Variants in MCU observed in about 807,000 individuals in gnomAD.
The protein encoded by MCU is calcium uniporter protein, mitochondrial.
Under a neutral mutation model 45.2 loss-of-function variants are expected in MCU, and 12 were observed. The observed-to-expected ratio is 0.27, with a 90% confidence interval of 0.17 to 0.43. MCU has a LOEUF of 0.43. Among genes scored for constraint, MCU ranks in the 20% least tolerant of loss-of-function variants. MCU has a pLI of 1.00. For missense variants in MCU, 324 were observed against 436.7 expected, an observed-to-expected ratio of 0.74 and a Z score of 2.30; for synonymous variants, 160 against 165.1, an observed-to-expected ratio of 0.97 and a Z score of 0.24.
intron 1 of MCU, among the ~76,000 whole-genome samples, chr10:72,714,789 C>A (rs966285532): frequency 3.4e-4 from 51 of 151,328 alleles, no homozygotes; most frequent in Admixed American, 2.6e-4. Flanking sequence ...GGTGATCTGC[C>A]CCCCCCTTGG....
chr10:72,697,368 C>T (rs1163674369), intron 1 of MCU, among the ~76,000 whole-genome samples: 5 of 150,908 alleles, frequency 3.3e-5, no homozygotes, highest in Admixed American at 1.3e-4. Context: ...CCACCTGCCT[C>T]GGCCTCCCAA....
chr10:72,714,343 G>GTTTTTTTTTTTT (rs1479850646), intron 1 of MCU, among the ~76,000 whole-genome samples: 2 of 49,482 alleles, frequency 4.0e-5, no homozygotes, highest in African/African-American at 1.5e-4. Flanking sequence ...CCCCGCCCTG[G>GTTTTTTTTTTTT]TCTTTTTTTT....
rs373225323 is a variant in MCU at position 72,707,606 on chromosome 10, G to GGTGTGTGTGTGTGTGT, written c.150+15332_150+15347dup. On this transcript the variant is annotated intron_variant, in intron 1 of 7. Transcript: ENST00000373053. ...AAATGAAGAGGTGGTCGTGGTGAGTGGTGTGTGTGTGTGTGTGTGTGTGTG... is the reference window on the plus strand; with the variant it reads ...AAATGAAGAGGTGGTCGTGGTGAGTGGTGTGTGTGTGTGTGTGTGTGTGTGTGTGTGTGTGTGTGTG... Among the ~76,000 whole-genome samples, 8 of 135,026 alleles carry GGTGTGTGTGTGTGTGT rather than the reference G, an allele frequency of 5.9e-5. No homozygotes were observed. The South Asian group carries it at 6.9e-4, about 12-fold the overall frequency. 88.6% of individuals were successfully genotyped at this position (135,026 alleles called of 152,430 possible).
In MCU at chr10:72,793,556, A is replaced by T. The variant is rs7095769; in HGVS notation, c.151-40803A>T. Among the ~76,000 whole-genome samples, 371 of 152,146 alleles carry T rather than the reference A, an allele frequency of 2.4e-3. 1 individual carries two copies. Among genetic ancestry groups the T allele is most frequent in the African/African-American group, 8.5e-3 (351 of 41,498 alleles). ...ACCATCATTTTATTATTATCTCTTA[A>T]TAGTGTTGGGGGTTGACTGGGCCCA... On this transcript the variant is annotated intron_variant, in intron 1 of 7. Coordinates refer to ENST00000373053, the MANE Select transcript of MCU (RefSeq NM_138357.3).
At chr10:72,753,695 C>G (rs549509725) in intron 1 of MCU, among the ~76,000 whole-genome samples, 5 of 151,946 alleles carry the variant, frequency 3.3e-5, no homozygotes, top group Non-Finnish European at 7.4e-5. Context: ...GGCAACATGG[C>G]AAAATCCTGT....
chr10:72,770,696 A>G (rs1319039137), intron 1 of MCU, among the ~76,000 whole-genome samples: 1 of 151,830 alleles, frequency 6.6e-6, no homozygotes, highest in African/African-American at 2.4e-5. Flanking sequence ...ACCTTTTGGT[A>G]TTGTTTCCTT....
intron 1 of MCU, among the ~76,000 whole-genome samples, chr10:72,811,812 T>C (rs561253452): frequency 6.6e-6 from 1 of 152,332 alleles, no homozygotes; most frequent in African/African-American, 2.4e-5. Context: ...ATAACATGTT[T>C]TGAAAAGAAT....
chr10:72,721,715 G>C (rs986335374), intron 1 of MCU, among the ~76,000 whole-genome samples: 15 of 151,900 alleles, frequency 9.9e-5, no homozygotes, highest in African/African-American at 3.6e-4. Context: ...TATTTTATTG[G>C]TTGTTCTGAG....
In MCU at chr10:72,730,307, CTTTTTTT is replaced by C. The variant is rs1221272053; in HGVS notation, c.150+38019_150+38025del. Among the ~76,000 whole-genome samples the C allele has an allele frequency of 6.1e-3, 761 of 124,242 alleles. 5 individuals carry two copies. Among genetic ancestry groups the C allele is most frequent in the African/African-American group, 0.022 (718 of 32,766 alleles). The allele number at this position is 124,242 out of a possible 152,430, so 81.5% of individuals were successfully genotyped here. ...GTTCTCCTATTGGTCCTTTCTTTTT[CTTTTTTT>C]TTTTTTTTTTTTGAGACGGAGTCTC... On this transcript the variant is annotated intron_variant, in intron 1 of 7. Transcript: ENST00000373053.
chr10:72,874,818 T>G (rs1381350640), intron 6 of MCU, among the ~76,000 whole-genome samples: 1 of 152,212 alleles, frequency 6.6e-6, no homozygotes, highest in African/African-American at 2.4e-5. Context: ...CCTTGATATA[T>G]CTCTTGCTGA....
intron 1 of MCU, among the ~76,000 whole-genome samples, chr10:72,761,761 A>G (rs1589448693): frequency 6.6e-6 from 1 of 152,278 alleles, no homozygotes; most frequent in East Asian, 1.9e-4. Flanking sequence ...TGAAGTATAT[A>G]GTGGTGAATT....
chr10:72,869,127 G>A (rs188690248), intron 5 of MCU, among the ~76,000 whole-genome samples: 1 of 152,278 alleles, frequency 6.6e-6, no homozygotes, highest in Non-Finnish European at 1.5e-5. Context: ...TTAAAATTAA[G>A]ATCAGAATAA....
chr10:72,789,564 A>G (rs1312834729), intron 1 of MCU, among the ~76,000 whole-genome samples: 1 of 152,112 alleles, frequency 6.6e-6, no homozygotes, highest in Admixed American at 6.6e-5. Flanking sequence ...TTTATGAGAA[A>G]CTGCTCCATT....
At position 72,835,632 on chromosome 10, in the gene MCU, A is replaced by G. The variant is rs141847882; in HGVS notation, c.220+1204A>G. 3.3e-3 allele frequency among the ~76,000 whole-genome samples: 503 copies of G among 152,352 alleles called. 3 individuals are homozygous for G. The highest frequency in any genetic ancestry group is 0.011 in the African/African-American group (473 of 41,582). ...TATAGACAGTGTGCTCATATTTGCC[A>G]AATCTTCTAAATTTGGAAGAAAAAT... On this transcript the variant is annotated intron_variant, in intron 2 of 7. Transcript: ENST00000373053.
chr10:72,772,013 A>T (rs1843816916), intron 1 of MCU, among the ~76,000 whole-genome samples: 1 of 152,314 alleles, frequency 6.6e-6, no homozygotes, highest in South Asian at 2.1e-4. Context: ...TAGTCAGCGA[A>T]CTTCCCCACC....
At chr10:72,703,892 A>AC (rs1278461442) in intron 1 of MCU, among the ~76,000 whole-genome samples, 3 of 21,060 alleles carry the variant, frequency 1.4e-4, no homozygotes, top group Non-Finnish European at 4.3e-4. Context: ...CTGTCTCAAA[A>AC]CAACAACAAC....
At chr10:72,703,689 G>T (rs968343580) in intron 1 of MCU, among the ~76,000 whole-genome samples, 15 of 152,130 alleles carry the variant, frequency 9.9e-5, no homozygotes, top group African/African-American at 3.4e-4. Flanking sequence ...CAGATCACTT[G>T]AGGCCAGGAG....
At chr10:72,725,898 A>T (rs556825175) in intron 1 of MCU, among the ~76,000 whole-genome samples, 6 of 152,248 alleles carry the variant, frequency 3.9e-5, no homozygotes, top group Admixed American at 1.3e-4. Flanking sequence ...AAAGAAAAAA[A>T]ATTAATCTAT....
intron 1 of MCU, among the ~76,000 whole-genome samples, chr10:72,829,527 TC>T (rs1844848911): frequency 6.6e-6 from 1 of 151,950 alleles, no homozygotes; most frequent in South Asian, 2.1e-4. Flanking sequence ...TGCTGACTTT[TC>T]TTTCTTTTTT....
Sources: gnomAD v4.1 joint callset for allele counts (sites outside exome capture counted in the v4.1 genomes callset) on GRCh38, gnomAD v4.1.1 for gene constraint, MANE v1.5 for transcripts, NCBI Gene and HGNC (gene_info 2026-07-23, HGNC 2026-07-21) for gene names.